Variants in ZSWIM8 observed in about 807,000 individuals in gnomAD.
ZSWIM8 encodes zinc finger SWIM domain-containing protein 8.
A neutral mutation model predicts 173.7 loss-of-function variants in ZSWIM8; 27 were observed. That is an observed-to-expected ratio of 0.16 (90% CI 0.11 to 0.21). The LOEUF is 0.21. Among genes scored for constraint, ZSWIM8 ranks in the 10% least tolerant of loss-of-function variants. The probability of loss-of-function intolerance (pLI) is 1.00; values close to 1 mark genes in which losing one functional copy is unlikely to be tolerated. For missense variants in ZSWIM8, 1,627 were observed against 2,428.8 expected (o/e 0.67, Z 6.94); for synonymous variants, 958 against 962.0 (o/e 1.00, Z 0.08).
chr10:73,789,341 C>T lies in ZSWIM8; in HGVS notation c.458-26C>T. 3 of 1,554,376 alleles carry T rather than the reference C, an allele frequency of 1.9e-6. No homozygotes were observed. Among genetic ancestry groups the T allele is most frequent in the Non-Finnish European group, 2.6e-6 (3 of 1,148,456 alleles). Reference sequence around the variant, plus strand: ...GAGACCCAGGTCCTGACAGCACTCCCTGACCATGCCCCCATTTCTCCCCAG... The same window carrying T: ...GAGACCCAGGTCCTGACAGCACTCCTTGACCATGCCCCCATTTCTCCCCAG... On this transcript the variant is annotated intron_variant, in intron 3 of 25. Coordinates refer to ENST00000604729, the MANE Select transcript of ZSWIM8 (RefSeq NM_001367799.1). The surrounding 1 kb of genome is among the most constrained non-coding windows in gnomAD (Gnocchi z 6.8).
In ZSWIM8 at chr10:73,795,650, C is replaced by G. The variant is rs971781158; in HGVS notation, c.3020C>G (p.Ala1007Gly). Reference protein sequence around the residue: ...ALMITYKDDQAKLKKILDKLL... With the variant: ...ALMITYKDDQGKLKKILDKLL... Reference sequence around the variant, plus strand: ...ATGATCACTTACAAGGACGACCAGGCCAAGCTTAAGAAGGTAAGAGACTGG... The same window carrying G: ...ATGATCACTTACAAGGACGACCAGGGCAAGCTTAAGAAGGTAAGAGACTGG... Residue 1007 changes from alanine to glycine, a missense_variant, in exon 15 of 26, where the codon GCC becomes GGC. By Grantham distance (60) the Ala-to-Gly change is moderately conservative (BLOSUM62 0). Around this residue, in one of 18 missense-constraint regions of ZSWIM8, gnomAD observed 163 missense variants for 193.2 expected, o/e 0.84. Coordinates refer to ENST00000604729, the MANE Select transcript of ZSWIM8 (RefSeq NM_001367799.1). The G allele has an allele frequency of 5.6e-6, 9 of 1,612,908 alleles. No individual in the cohort carries two copies. Among genetic ancestry groups the G allele is most frequent in the Admixed American group, 1.7e-5 (1 of 59,998 alleles).
In ZSWIM8 at chr10:73,791,391, G is replaced by A. The variant is rs749423217; in HGVS notation, c.1211G>A (p.Arg404His). 7 of 1,613,826 alleles carry A rather than the reference G, an allele frequency of 4.3e-6. No individual in the cohort carries two copies. The highest frequency in any genetic ancestry group is 1.3e-5 in the African/African-American group (1 of 74,930). Reference sequence around the variant, plus strand: ...AGCAGTGCCAGTGGGCACACGGGCCGTAGCAACGGGCAGTCAGAGGTGGCA... The same window carrying A: ...AGCAGTGCCAGTGGGCACACGGGCCATAGCAACGGGCAGTCAGAGGTGGCA... ...SHSSASGHTG[R>H]SNGQSEVAAH... The change falls in exon 9 of 26, where the codon CGT becomes CAT. Residue 404 changes from arginine to histidine, a missense_variant. Arg to His is a conservative substitution (Grantham distance 29). Around this residue, in one of 18 missense-constraint regions of ZSWIM8, gnomAD observed 103 missense variants for 155.6 expected, o/e 0.66. Transcript: ENST00000604729. The surrounding 1 kb of genome is among the most constrained non-coding windows in gnomAD (Gnocchi z 6.0).
chr10:73,791,763 A>G lies in ZSWIM8; in HGVS notation c.1320-96A>G, dbSNP rs2083422223. 1.4e-6 allele frequency: 2 copies of G among 1,419,450 alleles called. No homozygotes were observed. Among genetic ancestry groups the G allele is most frequent in the African/African-American group, 1.4e-5 (1 of 69,070 alleles). The allele number at this position is 1,419,450 out of a possible 1,614,324, so 87.9% of individuals were successfully genotyped here. ...GCTGGGTCAAGAAGTACTTTCCTGT[A>G]TCCTTTCCCCATGCCTCTCTTTGGG... On this transcript the variant is annotated intron_variant, in intron 9 of 25. Transcript: ENST00000604729. This position sits in a 1 kb window ranked among gnomAD's most constrained non-coding sequence, Gnocchi z 6.0.
In ZSWIM8 at chr10:73,785,665, G is replaced by T; in HGVS notation, c.-214G>T. On this transcript the variant is annotated 5_prime_UTR_variant, in exon 1 of 26. Transcript: ENST00000604729. ...TCCCGGCCCTAAGTCTCGGAGACTG[G>T]CCAAGATCACCGCTTGCACCGCGCT... 1 of 637,424 alleles carries T rather than the reference G, an allele frequency of 1.6e-6. No homozygotes were observed. The highest frequency in any genetic ancestry group is 2.9e-6 in the Non-Finnish European group (1 of 343,386). The allele number at this position is 637,424 out of a possible 1,614,324, so 39.5% of individuals were successfully genotyped here.
chr10:73,799,571 G>A lies in ZSWIM8; in HGVS notation c.4665+81G>A. ...GGGGGTTGGAGTGGGTACTCTGGGAGTATAATTGGTCAGTCGGAGAGTCCT... is the reference window on the plus strand; with the variant it reads ...GGGGGTTGGAGTGGGTACTCTGGGAATATAATTGGTCAGTCGGAGAGTCCT... On this transcript the variant is annotated intron_variant, in intron 21 of 25. Transcript: ENST00000604729. The A allele has an allele frequency of 1.9e-6, 3 of 1,542,316 alleles. No homozygotes were observed. In the South Asian group the frequency reaches 3.6e-5, roughly 18 times the overall value.
chr10:73,794,560 C>A lies in ZSWIM8; in HGVS notation c.2829C>A (p.Ser943=). 6.4e-7 allele frequency: 1 copy of A among 1,561,704 alleles called. No homozygotes were observed. The highest frequency in any genetic ancestry group is 2.4e-5 in the East Asian group (1 of 41,778). ...LCAPVVSPTG[S]RPPSRNWNSE... ...ATACAGTGGTTTCTCCCACAGGTTC[C>A]CGGCCCCCAAGTCGCAACTGGAACA... The change falls in exon 14 of 26, where the codon TCC becomes TCA. Residue 943 remains serine (S), a synonymous_variant. Coordinates refer to ENST00000604729, the MANE Select transcript of ZSWIM8 (RefSeq NM_001367799.1).
In ZSWIM8 at chr10:73,801,319, A is replaced by G. The variant is rs1437429191; in HGVS notation, c.5305A>G (p.Ile1769Val). 1 of 1,613,772 alleles carries G rather than the reference A, an allele frequency of 6.2e-7. No individual in the cohort carries two copies. Among genetic ancestry groups the G allele is most frequent in the Non-Finnish European group, 8.5e-7 (1 of 1,179,764 alleles). Residue 1769 changes from isoleucine to valine, a missense_variant, in exon 26 of 26, where the codon ATC becomes GTC. Transcript: ENST00000604729. The surrounding 1 kb of genome is among the most constrained non-coding windows in gnomAD (Gnocchi z 4.9). The stretch of plus-strand genomic sequence containing the variant: ...TCCTGCACACATCCTCCTCCAGTAC[A>G]TCCACCACCGCTTGATTCACCTGAC... Reference protein sequence around the residue: ...QRCQQAYMQYIHHRLIHLTPA... With the variant: ...QRCQQAYMQYVHHRLIHLTPA...
In ZSWIM8 at chr10:73,796,979, G is replaced by T. The variant is rs2083690162; in HGVS notation, c.3239G>T (p.Gly1080Val). 2 of 1,612,978 alleles carry T rather than the reference G, an allele frequency of 1.2e-6. No homozygotes were observed. Among genetic ancestry groups the T allele is most frequent in the Non-Finnish European group, 1.7e-6 (2 of 1,179,356 alleles). ...GGGAGTGTGGCAGGGGCTGGGCCAG[G>T]CCCCACTGAGGGCTTCACAGAGAAG... ...QPGSVAGAGPGPTEGFTEKNV... is the reference protein window; with the variant it reads ...QPGSVAGAGPVPTEGFTEKNV... The change falls in exon 16 of 26, where the codon GGC (glycine) becomes GTC (valine). Residue 1080 changes from glycine (G) to valine (V), a missense_variant. By Grantham distance (109) the Gly-to-Val change is moderately radical. Around this residue, in one of 18 missense-constraint regions of ZSWIM8, gnomAD observed 163 missense variants for 193.2 expected, o/e 0.84. Transcript: ENST00000604729.
chr10:73,799,584 G>A (rs987326379), intron 21 of ZSWIM8, 94 bp downstream of exon 21: 2 of 1,515,356 alleles, frequency 1.3e-6, no homozygotes, highest in Non-Finnish European at 1.8e-6. Flanking sequence ...TAATTGGTCA[G>A]TCGGAGAGTC....
Position 73,800,448 on chromosome 10 carries a change from C to T in ZSWIM8, c.4978C>T (p.His1660Tyr). Reference sequence around the variant, plus strand: ...GCCAGTCAATCCCCACAGCCTGCACCACCTGCATGCTGCCTACCGTGTCGG... The same window carrying T: ...GCCAGTCAATCCCCACAGCCTGCACTACCTGCATGCTGCCTACCGTGTCGG... ...SQPVNPHSLH[H>Y]LHAAYRVGML... Residue 1660 changes from histidine to tyrosine, a missense_variant, in exon 23 of 26, where the codon CAC (histidine) becomes TAC (tyrosine). By Grantham distance (83) the His-to-Tyr change is moderately conservative (BLOSUM62 2). Around this residue, in one of 18 missense-constraint regions of ZSWIM8, gnomAD observed 275 missense variants for 290.1 expected, o/e 0.95. Coordinates refer to ENST00000604729, the MANE Select transcript of ZSWIM8 (RefSeq NM_001367799.1). The surrounding 1 kb of genome is among the most constrained non-coding windows in gnomAD (Gnocchi z 4.1). 6.2e-7 allele frequency: 1 copy of T among 1,613,906 alleles called. No individual in the cohort carries two copies. Among genetic ancestry groups the T allele is most frequent in the Non-Finnish European group, 8.5e-7 (1 of 1,179,854 alleles).
rs747294241 is a variant in ZSWIM8, at chr10:73,789,561, C to T, written c.630+22C>T. Reference sequence around the variant, plus strand: ...CAACGTGAGGCCCTCCCAATTTATCCCGGCCCTATCCTACACTCCATCCCC... The same window carrying T: ...CAACGTGAGGCCCTCCCAATTTATCTCGGCCCTATCCTACACTCCATCCCC... On this transcript the variant is annotated intron_variant, in intron 4 of 25. Coordinates refer to ENST00000604729, the MANE Select transcript of ZSWIM8 (RefSeq NM_001367799.1). This position sits in a 1 kb window ranked among gnomAD's most constrained non-coding sequence, Gnocchi z 6.8. 1 of 1,607,552 alleles carries T rather than the reference C, an allele frequency of 6.2e-7. No individual in the cohort carries two copies. Among genetic ancestry groups the T allele is most frequent in the East Asian group, 2.2e-5 (1 of 44,770 alleles).
At position 73,800,480 on chromosome 10, in the gene ZSWIM8, G is replaced by A. The variant is rs1404786585; in HGVS notation, c.5002+8G>A. On this transcript the variant is annotated splice_region_variant and intron_variant, in intron 23 of 25. Transcript: ENST00000604729. This position sits in a 1 kb window ranked among gnomAD's most constrained non-coding sequence, Gnocchi z 4.1. The stretch of plus-strand genomic sequence containing the variant: ...ATGCTGCCTACCGTGTCGGTGAGAG[G>A]ACATCCCTTTCTGTGCTCCTACCTG... 4 of 1,613,370 alleles carry A rather than the reference G, an allele frequency of 2.5e-6. No homozygotes were observed. Among genetic ancestry groups the A allele is most frequent in the Middle Eastern group, 1.7e-4 (1 of 6,056 alleles).
At position 73,792,950 on chromosome 10, in the gene ZSWIM8, T is replaced by A; in HGVS notation, c.2313+98T>A. The A allele has an allele frequency of 7.0e-7, 1 of 1,418,858 alleles. No homozygotes were observed. Among genetic ancestry groups the A allele is most frequent in the Non-Finnish European group, 9.4e-7 (1 of 1,063,996 alleles). The allele number at this position is 1,418,858 out of a possible 1,614,324, so 87.9% of individuals were successfully genotyped here. A position where few individuals can be genotyped will look rare whatever the true frequency, so the allele number is the denominator to read the frequency against. On this transcript the variant is annotated intron_variant, in intron 10 of 25. Coordinates refer to ENST00000604729, the MANE Select transcript of ZSWIM8 (RefSeq NM_001367799.1). This position sits in a 1 kb window ranked among gnomAD's most constrained non-coding sequence, Gnocchi z 4.3. Reference sequence around the variant, plus strand: ...GGAGTGTCAGGACCATCAGCAGGATTGTGAGAACCCTGTTGCAGGCGCCGA... The same window carrying A: ...GGAGTGTCAGGACCATCAGCAGGATAGTGAGAACCCTGTTGCAGGCGCCGA...
chr10:73,790,067 GAAGA>G (rs781631120), intron 6 of ZSWIM8, 30 bp downstream of exon 6: 1 of 1,609,812 alleles, frequency 6.2e-7, no homozygotes, highest in South Asian at 1.1e-5. Flanking sequence ...TTGGCAGTAG[GAAGA>G]AAGCCAGCTT....
rs1237844149 is a variant in ZSWIM8, at chr10:73,798,040, A to G, written c.3922A>G (p.Thr1308Ala). The change falls in exon 19 of 26, where the codon ACT becomes GCT. Residue 1308 changes from threonine to alanine, a missense_variant. This residue lies in a region of ZSWIM8 where 95 missense variants were observed against 271.3 expected (regional missense o/e 0.35). Coordinates refer to ENST00000604729, the MANE Select transcript of ZSWIM8 (RefSeq NM_001367799.1). ...TGTTTCTCCCAACTGGCTCTCACGTACTTATTCTTCCCACGTTTCCTGGAT... is the reference window on the plus strand; with the variant it reads ...TGTTTCTCCCAACTGGCTCTCACGTGCTTATTCTTCCCACGTTTCCTGGAT... ...NFVSPNWLSR[T>A]YSSHVSWITG... The G allele has an allele frequency of 6.2e-7, 1 of 1,613,796 alleles. No individual in the cohort carries two copies. The highest frequency in any genetic ancestry group is 8.5e-7 in the Non-Finnish European group (1 of 1,179,714).
In ZSWIM8 at chr10:73,798,444, C is replaced by T. The variant is rs1329626989; in HGVS notation, c.4167C>T (p.Cys1389=). 4 of 1,613,440 alleles carry T rather than the reference C, an allele frequency of 2.5e-6. No homozygotes were observed. The Admixed American group carries it at 6.7e-5, about 27-fold the overall frequency. The change falls in exon 20 of 26, where the codon TGC becomes TGT. Residue 1389 remains cysteine, a synonymous_variant. Coordinates refer to ENST00000604729, the MANE Select transcript of ZSWIM8 (RefSeq NM_001367799.1). The part of the protein sequence containing the change: ...PNEIQRALVQ[C]KEQDNLMLEK... ...AGATCCAGCGGGCCCTGGTGCAGTGCAAGGAACAGGTATTTCTACGGGCAA... is the reference window on the plus strand; with the variant it reads ...AGATCCAGCGGGCCCTGGTGCAGTGTAAGGAACAGGTATTTCTACGGGCAA...
At chr10:73,796,510 G>A (rs2083663544) in intron 15 of ZSWIM8, 1 of 521,322 alleles carries the variant, frequency 1.9e-6, no homozygotes, top group African/African-American at 1.9e-5. Context: ...AGGGCATAAA[G>A]TCATTCATTC....
In ZSWIM8 at chr10:73,796,779, A is replaced by G. The variant is rs775704669; in HGVS notation, c.3039A>G (p.Leu1013=). 21 of 1,613,022 alleles carry G rather than the reference A, an allele frequency of 1.3e-5. No individual in the cohort carries two copies. Among genetic ancestry groups the G allele is most frequent in the Non-Finnish European group, 1.8e-5 (21 of 1,179,876 alleles). ...KDDQAKLKKI[L]DKLLDRESQT... is the part of the protein sequence containing the mutation. ...TCACTGCTTCTGTCTTCCAGATCTT[A>G]GACAAACTCTTGGACCGAGAGAGCC... Residue 1013 remains leucine (L), a synonymous_variant, in exon 16 of 26, where the codon TTA becomes TTG. Coordinates refer to ENST00000604729, the MANE Select transcript of ZSWIM8 (RefSeq NM_001367799.1).
At chr10:73,786,245 T>A in intron 1 of ZSWIM8, 159 bp downstream of exon 1, 1 of 847,208 alleles carries the variant, frequency 1.2e-6, no homozygotes, top group Non-Finnish European at 1.7e-6. Flanking sequence ...CTGGGAGCTG[T>A]CCCAAGCTTA....
Sources: gnomAD v4.1 joint callset for allele counts on GRCh38, gnomAD v4.1.1 for gene constraint, gnomAD v4.1.1 regional missense constraint, Gnocchi (gnomAD v3.1) non-coding constraint, MANE v1.5 for transcripts, NCBI Gene and HGNC (gene_info 2026-07-23, HGNC 2026-07-21) for gene names.